Variants in ASTN1 observed in about 807,000 individuals in gnomAD.
ASTN1 encodes astrotactin 1.
In ASTN1, 41 loss-of-function variants were observed where a neutral mutation model predicts 140.7. The observed-to-expected ratio is 0.29, with a 90% CI of 0.23 to 0.38. The LOEUF is 0.38. Ranked by LOEUF, ASTN1 falls within the 10% of genes least tolerant of loss-of-function variation. The pLI, the probability that ASTN1 is intolerant of heterozygous loss-of-function variation, is 1.00. For synonymous variants in ASTN1, 640 were observed against 652.2 expected, an observed-to-expected ratio of 0.98 and a Z score of 0.29; for missense variants, 1,479 against 1,678.8, an observed-to-expected ratio of 0.88 and a Z score of 2.08.
chr1:177,144,818 T>C (rs1682648420), intron 1 of ASTN1, among the ~76,000 whole-genome samples: 1 of 152,088 alleles, frequency 6.6e-6, no homozygotes, highest in Non-Finnish European at 1.5e-5. Flanking sequence ...ATAGATTCAA[T>C]GTGCAGCGAT....
intron 2 of ASTN1, among the ~76,000 whole-genome samples, chr1:177,051,538 C>T (rs1171538760): frequency 6.6e-6 from 1 of 152,190 alleles, no homozygotes; most frequent in Non-Finnish European, 1.5e-5. Flanking sequence ...CTAGATAATT[C>T]CTGCCATTGT....
chr1:176,979,329 C>G lies in ASTN1; in HGVS notation c.1524-14092G>C, dbSNP rs138211301. On this transcript the variant is annotated intron_variant, in intron 8 of 22. Transcript: ENST00000361833. ...GATAAGAGCAATGGTGGCTGACAGT[C>G]CCTAGAAGGGGCCTGGCTTTCTCCC... 4.3e-3 allele frequency among the ~76,000 whole-genome samples: 660 copies of G among 152,250 alleles called. 6 individuals are homozygous for G. The highest frequency in any genetic ancestry group is 0.015 in the African/African-American group (629 of 41,556).
chr1:176,912,722 G>T (rs947911039), intron 16 of ASTN1, among the ~76,000 whole-genome samples: 2 of 152,094 alleles, frequency 1.3e-5, no homozygotes, highest in African/African-American at 4.8e-5. Flanking sequence ...GGAACACAGG[G>T]GGATGGTGGA....
intron 16 of ASTN1, among the ~76,000 whole-genome samples, chr1:176,907,678 AGAG>A (rs1384817214): frequency 3.9e-5 from 6 of 152,200 alleles, no homozygotes; most frequent in Admixed American, 3.9e-4. Context: ...TGGAGAAGTT[AGAG>A]AAGAAGGCAA....
At chr1:176,876,436 A>AGGTTG in intron 21 of ASTN1, 101 bp downstream of exon 21, 1 of 1,224,456 alleles carries the variant, frequency 8.2e-7, no homozygotes, top group South Asian at 1.3e-5. Flanking sequence ...GCTGAACTCC[A>AGGTTG]GGTTGTTCTA....
At chr1:176,885,684 C>T (rs1293355070) in intron 18 of ASTN1, among the ~76,000 whole-genome samples, 5 of 152,170 alleles carry the variant, frequency 3.3e-5, no homozygotes, top group African/African-American at 9.7e-5. Context: ...AAACCATCTG[C>T]AATCTTCAAT....
At chr1:176,874,162 C>T (rs945542068) in intron 21 of ASTN1, among the ~76,000 whole-genome samples, 3 of 152,162 alleles carry the variant, frequency 2.0e-5, no homozygotes, top group African/African-American at 4.8e-5. Flanking sequence ...TCGCTACCTG[C>T]CTCTCTCTGG....
intron 1 of ASTN1, among the ~76,000 whole-genome samples, chr1:177,136,752 C>T (rs1682223571): frequency 6.6e-6 from 1 of 152,196 alleles, no homozygotes; most frequent in Non-Finnish European, 1.5e-5. Context: ...ACTCTGTTCA[C>T]CTACCCAGGG....
chr1:177,149,687 A>T (rs1682938772), intron 1 of ASTN1, among the ~76,000 whole-genome samples: 1 of 73,502 alleles, frequency 1.4e-5, no homozygotes, highest in Non-Finnish European at 2.1e-5. Flanking sequence ...TACACTGTAT[A>T]TACATAGTAA....
In ASTN1 at chr1:177,034,415, T is replaced by G. The variant is rs536124299; in HGVS notation, c.472-1566A>C. 9.2e-5 allele frequency among the ~76,000 whole-genome samples: 14 copies of G among 152,238 alleles called. No homozygotes were observed. In the South Asian group the frequency reaches 2.9e-3, roughly 32 times the overall value. ...TGACCTCCTGGTTTTCAATTATTTC[T>G]TTTTTTGCAGAACCCTTTCTCCTGG... On this transcript the variant is annotated intron_variant, in intron 2 of 22. Transcript: ENST00000361833.
intron 11 of ASTN1, among the ~76,000 whole-genome samples, chr1:176,954,438 T>C (rs1426282521): frequency 6.6e-6 from 1 of 152,212 alleles, no homozygotes; most frequent in African/African-American, 2.4e-5. Context: ...GGATTCCCCC[T>C]AGAGCCTCCA....
rs1670650045 is a variant in ASTN1 at position 176,919,718 on chromosome 1, C to A, written c.2671+14434G>T. 3.3e-5 allele frequency among the ~76,000 whole-genome samples: 5 copies of A among 152,324 alleles called. No homozygotes were observed. The South Asian group carries it at 1.0e-3, about 32-fold the overall frequency. ...CCAAACACATCAATATATATAGAAC[C>A]AATTACCACAGTAATCGACTAGGTT... On this transcript the variant is annotated intron_variant, in intron 16 of 22. Transcript: ENST00000361833.
chr1:177,049,263 G>T (rs143038096), intron 2 of ASTN1, among the ~76,000 whole-genome samples: 1 of 152,236 alleles, frequency 6.6e-6, no homozygotes, highest in African/African-American at 2.4e-5. Flanking sequence ...GTATGGGTGT[G>T]CCAATTGCTG....
chr1:176,934,295 G>A lies in ASTN1; in HGVS notation c.2528C>T (p.Ala843Val). 1 of 1,613,838 alleles carries A rather than the reference G, an allele frequency of 6.2e-7. No individual in the cohort carries two copies. Among genetic ancestry groups the A allele is most frequent in the Non-Finnish European group, 8.5e-7 (1 of 1,179,838 alleles). ...CTGGTCCAACAGCGCCACAAAATCT[G>A]CACGAGATGTAGCCCCATCCAGCGA... ...LHSLDGATSR[A>V]DFVALLDQFG... The change falls in exon 16 of 23, where the codon GCA (alanine) becomes GTA (valine). Residue 843 changes from alanine to valine, a missense_variant. Transcript: ENST00000361833.
chr1:176,951,530 C>CCCTT (rs1247227297), intron 11 of ASTN1, among the ~76,000 whole-genome samples: 8 of 152,210 alleles, frequency 5.3e-5, no homozygotes, highest in South Asian at 4.1e-4. Context: ...ATGGTTTCAG[C>CCCTT]CCTTGTACCA....
rs73041784 is a variant in ASTN1, at chr1:176,987,589, T to C, written c.1524-22352A>G. ...ACCCTCTCTGCCTCTCCTGTCAGGATCCATTGCCCTGTCATGCCCACTATT... is the reference window on the plus strand; with the variant it reads ...ACCCTCTCTGCCTCTCCTGTCAGGACCCATTGCCCTGTCATGCCCACTATT... On this transcript the variant is annotated intron_variant, in intron 8 of 22. Coordinates refer to ENST00000361833, the MANE Select transcript of ASTN1 (RefSeq NM_004319.3). 9.3e-3 allele frequency among the ~76,000 whole-genome samples: 1,421 copies of C among 152,316 alleles called. 33 individuals carry two copies. The highest frequency in any genetic ancestry group is 0.033 in the African/African-American group (1,353 of 41,562).
chr1:176,891,326 C>A (rs1322080571), intron 17 of ASTN1, among the ~76,000 whole-genome samples: 1 of 152,190 alleles, frequency 6.6e-6, no homozygotes, highest in African/African-American at 2.4e-5. Flanking sequence ...ATTCATCTAT[C>A]CATTCATTTA....
chr1:177,163,136 C>G (rs1647485334), intron 1 of ASTN1, among the ~76,000 whole-genome samples: 1 of 152,144 alleles, frequency 6.6e-6, no homozygotes. Flanking sequence ...ACATGTGGCT[C>G]TAGCCTACAT....
chr1:176,997,821 T>G (rs2101907832), intron 8 of ASTN1, among the ~76,000 whole-genome samples: 1 of 152,030 alleles, frequency 6.6e-6, no homozygotes, highest in East Asian at 1.9e-4. Context: ...GGCTTCCAAT[T>G]GGGGAGTTAG....
Sources: gnomAD v4.1 joint callset for allele counts (sites outside exome capture counted in the v4.1 genomes callset) on GRCh38, gnomAD v4.1.1 for gene constraint, MANE v1.5 for transcripts, NCBI Gene and HGNC (gene_info 2026-07-23, HGNC 2026-07-21) for gene names.